Variants in KIF6 observed in about 807,000 individuals in gnomAD.
KIF6 encodes kinesin-like protein KIF6.
Under a neutral mutation model 112.7 loss-of-function variants are expected in KIF6, and 106 were observed. The observed-to-expected ratio is 0.94, with a 90% CI of 0.80 to 1.11. The LOEUF is 1.11. Ranked by LOEUF, KIF6 falls within the 50% of genes least tolerant of loss-of-function variation. KIF6 has a pLI of 0.00. For missense variants in KIF6, 929 were observed against 964.0 expected (o/e 0.96, Z 0.48); for synonymous variants, 339 against 339.9 (o/e 1.00, Z 0.03).
At chr6:39,406,440 G>A (rs1315082023) in intron 15 of KIF6, among the ~76,000 whole-genome samples, 1 of 152,024 alleles carries the variant, frequency 6.6e-6, no homozygotes, top group Non-Finnish European at 1.5e-5. Context: ...TCTTTATTGT[G>A]TTTCTCTTTT....
intron 15 of KIF6, among the ~76,000 whole-genome samples, chr6:39,389,497 C>A (rs888184471): frequency 1.1e-4 from 17 of 152,166 alleles, no homozygotes; most frequent in African/African-American, 4.1e-4. Context: ...GTAGAAGGCT[C>A]TATCCTAACC....
At chr6:39,596,024 T>C (rs975814515) in intron 7 of KIF6, 30 bp downstream of exon 7, 1 of 1,553,954 alleles carries the variant, frequency 6.4e-7, no homozygotes, top group African/African-American at 1.4e-5. Flanking sequence ...TAGCTATAGT[T>C]ATTAATACAT....
chr6:39,651,635 C>A (rs1785476086), intron 3 of KIF6, among the ~76,000 whole-genome samples: 1 of 152,062 alleles, frequency 6.6e-6, no homozygotes, highest in South Asian at 2.1e-4. Context: ...AGATTACTTG[C>A]CAAATAAGAC....
intron 6 of KIF6, among the ~76,000 whole-genome samples, chr6:39,606,125 C>T (rs1782870658): frequency 2.0e-5 from 3 of 149,578 alleles, no homozygotes; most frequent in African/African-American, 2.5e-5. Context: ...CTTCTTTTTC[C>T]CTCCTCCTCC....
At chr6:39,643,720 C>T (rs967450174) in intron 3 of KIF6, among the ~76,000 whole-genome samples, 2 of 152,034 alleles carry the variant, frequency 1.3e-5, no homozygotes, top group African/African-American at 4.8e-5. Context: ...AAAAGAAAAT[C>T]TTGCAAGAAA....
chr6:39,372,367 G>A (rs1010349073), intron 16 of KIF6, among the ~76,000 whole-genome samples: 7 of 152,108 alleles, frequency 4.6e-5, no homozygotes, highest in Non-Finnish European at 8.8e-5. Flanking sequence ...ATTACAATGC[G>A]CCTGGAGAAG....
chr6:39,465,682 A>T (rs566874939), intron 13 of KIF6, among the ~76,000 whole-genome samples: 1 of 152,324 alleles, frequency 6.6e-6, no homozygotes, highest in African/African-American at 2.4e-5. Flanking sequence ...TGTTTATGGC[A>T]TCATGTCCCA....
At chr6:39,479,218 AT>A (rs1774640090) in intron 13 of KIF6, among the ~76,000 whole-genome samples, 1 of 152,122 alleles carries the variant, frequency 6.6e-6, no homozygotes, top group Non-Finnish European at 1.5e-5. Flanking sequence ...TTCCTCTAGA[AT>A]TTTTATAGTT....
At chr6:39,576,048 C>T (rs1309228725) in intron 10 of KIF6, among the ~76,000 whole-genome samples, 1 of 152,126 alleles carries the variant, frequency 6.6e-6, no homozygotes, top group East Asian at 1.9e-4. Flanking sequence ...ATACTGAAAC[C>T]ACCATATTCA....
At chr6:39,346,253 C>A in intron 20 of KIF6, 1 of 671,902 alleles carries the variant, frequency 1.5e-6, no homozygotes, top group South Asian at 1.6e-5. Flanking sequence ...GTGCTACGGA[C>A]TGGAGGTTTG....
intron 6 of KIF6, among the ~76,000 whole-genome samples, chr6:39,597,636 C>A (rs181927657): frequency 6.6e-5 from 10 of 152,198 alleles, no homozygotes; most frequent in East Asian, 5.8e-4. Flanking sequence ...TAGATTAAAG[C>A]TTTAAGTGTG....
intron 3 of KIF6, among the ~76,000 whole-genome samples, chr6:39,698,280 T>C (rs1280781028): frequency 2.0e-5 from 3 of 152,314 alleles, no homozygotes; most frequent in Non-Finnish European, 2.9e-5. Flanking sequence ...ATTTCTCTCA[T>C]TAAAGAAGCA....
At chr6:39,573,843 A>C (rs1780776307) in intron 10 of KIF6, among the ~76,000 whole-genome samples, 2 of 152,228 alleles carry the variant, frequency 1.3e-5, no homozygotes, top group South Asian at 4.1e-4. Context: ...CCACCACTAA[A>C]TTATGAGTTT....
chr6:39,384,074 C>T (rs760620421), intron 16 of KIF6, among the ~76,000 whole-genome samples: 22 of 152,176 alleles, frequency 1.4e-4, no homozygotes, highest in Admixed American at 5.2e-4. Flanking sequence ...TCTAGGTATA[C>T]GGTCATATCA....
chr6:39,682,978 A>T (rs915140799), intron 3 of KIF6, among the ~76,000 whole-genome samples: 2 of 152,256 alleles, frequency 1.3e-5, no homozygotes, highest in Admixed American at 1.3e-4. Context: ...ACACTTAGAG[A>T]TAAGGTAACA....
chr6:39,406,825 T>C (rs1434125840), intron 15 of KIF6, among the ~76,000 whole-genome samples: 1 of 152,190 alleles, frequency 6.6e-6, no homozygotes, highest in Non-Finnish European at 1.5e-5. Context: ...CATAGCTCAC[T>C]GTAGCCTCAA....
chr6:39,599,091 G>A (rs1277464597), intron 6 of KIF6, among the ~76,000 whole-genome samples: 1 of 152,070 alleles, frequency 6.6e-6, no homozygotes, highest in Non-Finnish European at 1.5e-5. Context: ...AGCAAATCCT[G>A]GATTGGAAAA....
At chr6:39,511,080 A>G (rs1187824942) in intron 13 of KIF6, among the ~76,000 whole-genome samples, 1 of 152,264 alleles carries the variant, frequency 6.6e-6, no homozygotes, top group East Asian at 1.9e-4. Flanking sequence ...TTAGAGAACT[A>G]CAAAGAGACT....
intron 1 of KIF6, among the ~76,000 whole-genome samples, chr6:39,721,809 GTTTT>G (rs5875678): frequency 7.1e-6 from 1 of 141,736 alleles, no homozygotes; most frequent in African/African-American, 2.6e-5. Context: ...AGATTTAAAG[GTTTT>G]TTTTTTTTTT....
Sources: gnomAD v4.1 joint callset for allele counts (sites outside exome capture counted in the v4.1 genomes callset) on GRCh38, gnomAD v4.1.1 for gene constraint, MANE v1.5 for transcripts, NCBI Gene and HGNC (gene_info 2026-07-23, HGNC 2026-07-21) for gene names.